Variants in ZNF469 observed in about 807,000 individuals in gnomAD.
ZNF469 encodes the protein zinc finger protein 469.
ZNF469 carries 1 observed loss-of-function variant against 1.0 expected under a neutral mutation model. The ratio of observed to expected loss-of-function variants is 1.00; its 90% CI spans 0.35 to 4.73. The LOEUF (loss-of-function observed/expected upper bound fraction) is 4.73. ZNF469 is among the 30% of genes most tolerant of loss of function. The pLI, the probability that ZNF469 is intolerant of heterozygous loss-of-function variation, is 0.16. For missense variants in ZNF469, 6,100 were observed against 5,356.3 expected, an observed-to-expected ratio of 1.14 and a Z score of -4.33; for synonymous variants, 2,703 against 2,363.4, an observed-to-expected ratio of 1.14 and a Z score of -4.17.
the ZNF469 span, among the ~76,000 whole-genome samples, chr16:88,200,183 C>G: frequency 5.3e-5 from 8 of 152,134 alleles, no homozygotes; most frequent in African/African-American, 9.7e-5. Context: ...CAAACCCCGG[C>G]AGGCTTCACG....
the ZNF469 span, among the ~76,000 whole-genome samples, chr16:88,115,686 C>T: frequency 8.7e-5 from 13 of 149,684 alleles, no homozygotes; most frequent in Admixed American, 6.0e-4. Context: ...TGGGCCCTTC[C>T]ATCTGTACTC....
chr16:88,126,461 T>A, the ZNF469 span, among the ~76,000 whole-genome samples: 1 of 150,414 alleles, frequency 6.6e-6, no homozygotes, highest in African/African-American at 2.4e-5. Context: ...AGGAAGTTAT[T>A]TCCTATCCCA....
the ZNF469 span, among the ~76,000 whole-genome samples, chr16:88,366,797 T>TC: frequency 1.4e-5 from 2 of 147,148 alleles, no homozygotes; most frequent in Non-Finnish European, 3.0e-5. Flanking sequence ...TCATCACCAA[T>TC]ACCATTACTG....
the ZNF469 span, among the ~76,000 whole-genome samples, chr16:88,366,676 A>G: frequency 6.6e-6 from 1 of 150,672 alleles, no homozygotes; most frequent in Non-Finnish European, 1.5e-5. Context: ...TATCGTCACT[A>G]TCACCATCAC....
intron 1 of ZNF469, among the ~76,000 whole-genome samples, chr16:88,384,976 G>C (rs2092533966): frequency 6.6e-6 from 1 of 152,146 alleles, no homozygotes; most frequent in South Asian, 2.1e-4. Flanking sequence ...ATCATCCTGA[G>C]GCAGCAGGCA....
chr16:88,214,986 G>A, the ZNF469 span, among the ~76,000 whole-genome samples: 1 of 152,154 alleles, frequency 6.6e-6, no homozygotes, highest in Non-Finnish European at 1.5e-5. Context: ...TGTCTCTGAT[G>A]ATGCTCCTCG....
At chr16:88,204,924 C>T in the ZNF469 span, among the ~76,000 whole-genome samples, 1 of 152,192 alleles carries the variant, frequency 6.6e-6, no homozygotes, top group Admixed American at 6.5e-5. Flanking sequence ...TCTAGGAAGT[C>T]GGACAGCACA....
Position 88,393,588 on chromosome 16 carries a change from C to A in ZNF469, c.-192+10334C>A, listed in dbSNP as rs867497144. The stretch of plus-strand genomic sequence containing the variant: ...GAGGAAAGAGCGGGAGTGGGTTCGC[C>A]CCAGTGCCGAGCTGCCCGGGCAGGA... On this transcript the variant is annotated intron_variant, in intron 1 of 2. Transcript: ENST00000565624. Among the ~76,000 whole-genome samples the A allele has an allele frequency of 3.9e-5, 6 of 152,162 alleles. No individual in the cohort carries two copies. The East Asian group carries it at 1.2e-3, about 29-fold the overall frequency.
the ZNF469 span, among the ~76,000 whole-genome samples, chr16:88,275,772 G>C: frequency 6.6e-6 from 1 of 152,218 alleles, no homozygotes; most frequent in African/African-American, 2.4e-5. Flanking sequence ...AAGGAAGTGT[G>C]GGGCTGGCAG....
chr16:88,391,135 T>G (rs2142264846), intron 1 of ZNF469, among the ~76,000 whole-genome samples: 1 of 152,348 alleles, frequency 6.6e-6, no homozygotes, highest in South Asian at 2.1e-4. Flanking sequence ...CCCGGGAGAC[T>G]GTGGCCAAGT....
rs1389814842 is a variant in ZNF469 at position 88,432,689 on chromosome 16, A to C, written c.5219A>C (p.Lys1740Thr). 6.4e-7 allele frequency: 1 copy of C among 1,550,438 alleles called. No homozygotes were observed. Among genetic ancestry groups the C allele is most frequent in the Non-Finnish European group, 8.7e-7 (1 of 1,146,998 alleles). Residue 1740 changes from lysine (K) to threonine (T), a missense_variant, in exon 3 of 3, where the codon AAG (lysine) becomes ACG (threonine). Transcript: ENST00000565624. ...GPQLDAGSLA[K>T]CSPDQELSFP... The stretch of plus-strand genomic sequence containing the variant: ...CAGCTGGATGCCGGGAGTTTAGCAA[A>C]GTGCAGCCCCGACCAGGAACTTTCA...
At chr16:88,366,505 A>G in the ZNF469 span, among the ~76,000 whole-genome samples, 1 of 146,084 alleles carries the variant, frequency 6.8e-6, no homozygotes, top group African/African-American at 2.5e-5. Flanking sequence ...CACCATCACC[A>G]TCACTATCAT....
the ZNF469 span, among the ~76,000 whole-genome samples, chr16:88,277,336 C>T: frequency 6.6e-6 from 1 of 151,232 alleles, no homozygotes; most frequent in Admixed American, 6.6e-5. Flanking sequence ...AGTGCTGCAC[C>T]ACGCTGACGC....
rs776725237 is a variant in ZNF469, at chr16:88,430,969, A to G, written c.3499A>G (p.Arg1167Gly). Residue 1167 changes from arginine to glycine, a missense_variant, in exon 3 of 3, where the codon AGG (arginine) becomes GGG (glycine). By Grantham distance (125) the Arg-to-Gly change is moderately radical. Coordinates refer to ENST00000565624, the MANE Select transcript of ZNF469 (RefSeq NM_001367624.2). The part of the protein sequence containing the change: ...EPGGSRPGPG[R>G]SPQARGPSRS... ...GGGCGGGTCTCGCCCGGGCCCCGGC[A>G]GGAGCCCTCAGGCCCGTGGCCCGTC... The G allele has an allele frequency of 7.8e-6, 12 of 1,537,518 alleles. No individual in the cohort carries two copies. In the African/African-American group the frequency reaches 1.6e-4, roughly 21 times the overall value.
the ZNF469 span, among the ~76,000 whole-genome samples, chr16:88,316,094 C>A: frequency 6.6e-6 from 1 of 152,266 alleles, no homozygotes; most frequent in African/African-American, 2.4e-5. Context: ...GGGCAGAGAG[C>A]AGGGCCGGCC....
the ZNF469 span, among the ~76,000 whole-genome samples, chr16:88,216,930 T>G: frequency 6.1e-5 from 9 of 148,664 alleles, no homozygotes; most frequent in Admixed American, 4.0e-4. Context: ...TCCTTTTAGT[T>G]TTTTTTTCTT....
At chr16:88,276,526 C>G in the ZNF469 span, 2 of 152,270 alleles carry the variant, frequency 1.3e-5, no homozygotes, top group Admixed American at 6.5e-5. Context: ...AGCAGTCAGA[C>G]CGGCCCCCAC....
chr16:88,257,559 G>A, the ZNF469 span, among the ~76,000 whole-genome samples: 2 of 152,080 alleles, frequency 1.3e-5, no homozygotes, highest in Non-Finnish European at 2.9e-5. Flanking sequence ...TCCTGCCTTT[G>A]GTGCTGGATC....
At chr16:88,144,187 G>A in the ZNF469 span, among the ~76,000 whole-genome samples, 14 of 152,154 alleles carry the variant, frequency 9.2e-5, no homozygotes, top group African/African-American at 3.4e-4. Flanking sequence ...TGGGACAGAG[G>A]CCACAACAAG....
Sources: allele counts gnomAD v4.1 joint callset (sites outside exome capture counted in the v4.1 genomes callset), GRCh38; gene constraint gnomAD v4.1.1; transcripts MANE v1.5; gene names NCBI Gene and HGNC (gene_info 2026-07-23, HGNC 2026-07-21).